STXBP5L: variants seen among roughly 807,000 people sequenced by gnomAD.
The protein encoded by STXBP5L is syntaxin-binding protein 5-like.
In STXBP5L, 65 loss-of-function variants were observed where a neutral mutation model predicts 144.5. The ratio of observed to expected loss-of-function variants is 0.45; its 90% CI spans 0.37 to 0.55. The LOEUF (loss-of-function observed/expected upper bound fraction) is 0.55. Among genes scored for constraint, STXBP5L ranks in the 20% least tolerant of loss-of-function variants. The probability of loss-of-function intolerance (pLI) is 0.00; values close to 1 mark genes in which losing one functional copy is unlikely to be tolerated. For synonymous variants in STXBP5L, 505 were observed against 469.6 expected, an observed-to-expected ratio of 1.08 and a Z score of -0.97; for missense variants, 1,298 against 1,405.5, an observed-to-expected ratio of 0.92 and a Z score of 1.22.
intron 3 of STXBP5L, among the ~76,000 whole-genome samples, chr3:120,961,288 ATTATAC>A (rs1203662206): frequency 7.0e-6 from 1 of 142,346 alleles, no homozygotes; most frequent in Non-Finnish European, 1.5e-5. Flanking sequence ...TTTTTTTTTA[ATTATAC>A]TTTAAGTTCT....
intron 2 of STXBP5L, among the ~76,000 whole-genome samples, chr3:120,940,422 T>A (rs1710507549): frequency 1.3e-5 from 2 of 151,734 alleles, no homozygotes. Flanking sequence ...TCTAGAAGAG[T>A]ATGATGACGA....
chr3:121,177,848 A>G lies in STXBP5L; in HGVS notation c.877+20221A>G, dbSNP rs1186270459. ...ACTCATATTCATTGACACGTTATTCATAAGAGCCAAAAGAAGCAAGCAACT... is the reference window on the plus strand; with the variant it reads ...ACTCATATTCATTGACACGTTATTCGTAAGAGCCAAAAGAAGCAAGCAACT... On this transcript the variant is annotated intron_variant, in intron 9 of 26. Coordinates refer to ENST00000471454, the MANE Select transcript of STXBP5L (RefSeq NM_001308330.2). Among the ~76,000 whole-genome samples the G allele has an allele frequency of 5.3e-5, 8 of 152,360 alleles. 1 individual carries two copies. Among genetic ancestry groups the G allele is most frequent in the Admixed American group, 5.2e-4 (8 of 15,294 alleles).
At chr3:121,151,542 C>T (rs1046406216) in intron 7 of STXBP5L, among the ~76,000 whole-genome samples, 16 of 152,088 alleles carry the variant, frequency 1.1e-4, no homozygotes, top group African/African-American at 3.6e-4. Flanking sequence ...GTTATCACCA[C>T]CACTATATTT....
chr3:121,359,225 A>G (rs72969909), intron 20 of STXBP5L, among the ~76,000 whole-genome samples: 22 of 152,280 alleles, frequency 1.4e-4, no homozygotes, highest in African/African-American at 4.3e-4. Flanking sequence ...GCACCTTTTC[A>G]TAAGCCTGTT....
chr3:120,923,272 CA>C (rs1201128274), intron 2 of STXBP5L, among the ~76,000 whole-genome samples: 4 of 151,708 alleles, frequency 2.6e-5, no homozygotes, highest in Admixed American at 1.3e-4. Flanking sequence ...TGTCTATTTA[CA>C]TTTTCAAAAG....
At chr3:121,240,418 T>A in intron 13 of STXBP5L, 22 bp from the exon 14 acceptor site, 2 of 1,609,156 alleles carry the variant, frequency 1.2e-6, no homozygotes, top group Non-Finnish European at 1.7e-6. Flanking sequence ...GTATATATAT[T>A]CTTTCTGGAT....
At chr3:121,185,809 AGTT>A (rs147539076) in intron 9 of STXBP5L, among the ~76,000 whole-genome samples, 15,045 of 152,096 alleles carry the variant, frequency 0.099, 1,154 homozygotes, top group Admixed American at 0.2. Context: ...TGAACTTTAA[AGTT>A]GTTTTTTCCA....
At chr3:121,027,772 T>G (rs1017962464) in intron 3 of STXBP5L, among the ~76,000 whole-genome samples, 1 of 152,128 alleles carries the variant, frequency 6.6e-6, no homozygotes. Context: ...TAATTTCACC[T>G]TGTCATGTAA....
chr3:121,371,954 A>T (rs1298746442), intron 20 of STXBP5L, among the ~76,000 whole-genome samples: 1 of 152,220 alleles, frequency 6.6e-6, no homozygotes, highest in Non-Finnish European at 1.5e-5. Flanking sequence ...CAGGGTGCTC[A>T]TGCATATTTA....
At chr3:120,914,964 C>A (rs892399080) in intron 2 of STXBP5L, among the ~76,000 whole-genome samples, 1 of 151,998 alleles carries the variant, frequency 6.6e-6, no homozygotes, top group Non-Finnish European at 1.5e-5. Context: ...GGTGTAGGGG[C>A]AGGCTTGAGT....
Position 121,279,904 on chromosome 3 carries a change from C to A in STXBP5L, c.2058C>A (p.Asp686Glu), listed in dbSNP as rs188146761. 2 of 1,612,334 alleles carry A rather than the reference C, an allele frequency of 1.2e-6. No homozygotes were observed. Among genetic ancestry groups the A allele is most frequent in the African/African-American group, 2.7e-5 (2 of 74,798 alleles). ...CCATTGACCTATATAGATCAAGTGA[C>A]TTATACCAGCGACAACCACGGTCTC... The part of the protein sequence containing the change: ...MGTIDLYRSS[D>E]LYQRQPRSPR... The change falls in exon 19 of 27, where the codon GAC becomes GAA. Residue 686 changes from aspartate (D) to glutamate (E), a missense_variant. Physicochemically the swap from Asp to Glu is conservative, Grantham distance 45. Transcript: ENST00000471454.
intron 3 of STXBP5L, among the ~76,000 whole-genome samples, chr3:121,015,299 C>G (rs760331643): frequency 1.3e-5 from 2 of 152,150 alleles, no homozygotes; most frequent in Non-Finnish European, 2.9e-5. Flanking sequence ...CTTCAACATG[C>G]AAAGAGCTTG....
intron 7 of STXBP5L, among the ~76,000 whole-genome samples, chr3:121,142,714 A>G (rs1318424581): frequency 6.6e-6 from 1 of 151,956 alleles, no homozygotes; most frequent in Non-Finnish European, 1.5e-5. Context: ...AAATGAAAAC[A>G]CACTCTACCA....
chr3:121,146,011 T>C (rs2045701048), intron 7 of STXBP5L, among the ~76,000 whole-genome samples: 1 of 152,056 alleles, frequency 6.6e-6, no homozygotes. Flanking sequence ...TGCTTTTGAA[T>C]ATCAGCTCAA....
chr3:121,276,304 T>C (rs1034993235), intron 18 of STXBP5L, among the ~76,000 whole-genome samples: 1 of 152,020 alleles, frequency 6.6e-6, no homozygotes, highest in African/African-American at 2.4e-5. Flanking sequence ...TTTATCCTCC[T>C]GTTTTTTGCA....
chr3:121,024,227 G>A (rs1465911000), intron 3 of STXBP5L, among the ~76,000 whole-genome samples: 3 of 152,020 alleles, frequency 2.0e-5, no homozygotes, highest in Non-Finnish European at 4.4e-5. Context: ...TCAACAATAA[G>A]AAAACAACCT....
chr3:121,356,802 G>C (rs2045530302), intron 20 of STXBP5L, among the ~76,000 whole-genome samples: 1 of 152,142 alleles, frequency 6.6e-6, no homozygotes, highest in African/African-American at 2.4e-5. Context: ...GACCAGAGCT[G>C]TTCCTATTTG....
chr3:121,412,823 G>A (rs900514513), intron 23 of STXBP5L, among the ~76,000 whole-genome samples: 6 of 149,788 alleles, frequency 4.0e-5, no homozygotes, highest in African/African-American at 9.8e-5. Context: ...CAACCAGGCC[G>A]AGTATGGTGG....
At chr3:121,310,901 T>C (rs1316591066) in intron 19 of STXBP5L, among the ~76,000 whole-genome samples, 2 of 151,618 alleles carry the variant, frequency 1.3e-5, no homozygotes, top group South Asian at 2.1e-4. Flanking sequence ...AGAGCAAGAC[T>C]CTGTCTCAAA....
Sources: gnomAD v4.1 joint callset for allele counts (sites outside exome capture counted in the v4.1 genomes callset) on GRCh38, gnomAD v4.1.1 for gene constraint, MANE v1.5 for transcripts, NCBI Gene and HGNC (gene_info 2026-07-23, HGNC 2026-07-21) for gene names.